Variants in GAPVD1 observed in about 807,000 individuals in gnomAD.
The protein encoded by GAPVD1 is GTPase-activating protein and VPS9 domain-containing protein 1.
In GAPVD1, 35 loss-of-function variants were observed where a neutral mutation model predicts 155.5. That is an observed-to-expected ratio of 0.23 (90% confidence interval 0.17 to 0.30). The LOEUF (loss-of-function observed/expected upper bound fraction) is 0.30. GAPVD1 is among the 10% of genes least tolerant of loss of function. The probability of loss-of-function intolerance (pLI) is 1.00; values close to 1 mark genes in which losing one functional copy is unlikely to be tolerated. For synonymous variants in GAPVD1, 636 were observed against 619.7 expected (o/e 1.03, Z -0.39); for missense variants, 1,429 against 1,775.7 (o/e 0.80, Z 3.51).
At chr9:125,296,772 G>A (rs773785251) in intron 3 of GAPVD1, among the ~76,000 whole-genome samples, 4 of 150,676 alleles carry the variant, frequency 2.7e-5, no homozygotes, top group Non-Finnish European at 5.9e-5. Context: ...AGTTTCTCCT[G>A]TCTCAGCCTC....
At chr9:125,339,074 C>T (rs1721064200) in intron 17 of GAPVD1, among the ~76,000 whole-genome samples, 1 of 152,066 alleles carries the variant, frequency 6.6e-6, no homozygotes, top group South Asian at 2.1e-4. Flanking sequence ...CTTAACCTCC[C>T]AGGCTCAGGC....
At chr9:125,315,769 G>T (rs1380706982) in intron 9 of GAPVD1, among the ~76,000 whole-genome samples, 1 of 152,046 alleles carries the variant, frequency 6.6e-6, no homozygotes, top group Non-Finnish European at 1.5e-5. Context: ...GGGCACAAAG[G>T]CTTTGAAAAG....
intron 12 of GAPVD1, among the ~76,000 whole-genome samples, chr9:125,329,521 A>G (rs1003114235): frequency 1.3e-5 from 2 of 152,286 alleles, no homozygotes; most frequent in African/African-American, 2.4e-5. Flanking sequence ...GAAACTGGTG[A>G]AAAGGGTATT....
chr9:125,351,803 C>T (rs565043019), intron 23 of GAPVD1, among the ~76,000 whole-genome samples: 4 of 151,328 alleles, frequency 2.6e-5, no homozygotes, highest in Non-Finnish European at 4.4e-5. Context: ...TGCAATGGTG[C>T]GATCTTGGCT....
At position 125,365,318 on chromosome 9, in the gene GAPVD1, A is replaced by ATTTTT. The variant is rs5900652; in HGVS notation, c.*2585_*2589dup. The ATTTTT allele has an allele frequency of 2.1e-5, 3 of 144,114 alleles. No individual in the cohort carries two copies. The highest frequency in any genetic ancestry group is 2.5e-5 in the African/African-American group (1 of 39,446). 8.9% of individuals were successfully genotyped at this position (144,114 alleles called of 1,614,324 possible). ...GGTATGTGAGATGGGGAGTGATTTG[A>ATTTTT]TTTTTTTTTTTTTTTTTAATAGAAA... On this transcript the variant is annotated 3_prime_UTR_variant, in exon 28 of 28. Coordinates refer to ENST00000297933, the MANE Select transcript of GAPVD1 (RefSeq NM_001282680.3).
chr9:125,311,398 G>A, intron 8 of GAPVD1, among the ~76,000 whole-genome samples: 1 of 152,218 alleles, frequency 6.6e-6, no homozygotes, highest in Admixed American at 6.5e-5. Context: ...AAGGTGCGTG[G>A]ATCACCTGAG....
intron 9 of GAPVD1, among the ~76,000 whole-genome samples, chr9:125,315,046 C>T (rs1438513268): frequency 6.6e-6 from 1 of 152,084 alleles, no homozygotes; most frequent in Non-Finnish European, 1.5e-5. Context: ...CTCGGCCTCC[C>T]AAAGTGCTGG....
At chr9:125,293,878 A>ATTTTATATATATAAATATATTT (rs1839317029) in intron 2 of GAPVD1, among the ~76,000 whole-genome samples, 1 of 18,986 alleles carries the variant, frequency 5.3e-5, no homozygotes, top group African/African-American at 2.5e-4. Flanking sequence ...ATATATATAT[A>ATTTTATATATATAAATATATTT]TATATATATA....
At chr9:125,348,043 A>G (rs1848755344) in intron 20 of GAPVD1, among the ~76,000 whole-genome samples, 1 of 151,912 alleles carries the variant, frequency 6.6e-6, no homozygotes, top group African/African-American at 2.4e-5. Flanking sequence ...GTATATATAT[A>G]TGTTTTGTTT....
intron 2 of GAPVD1, among the ~76,000 whole-genome samples, chr9:125,284,098 A>G (rs1355719069): frequency 6.8e-6 from 1 of 147,954 alleles, no homozygotes; most frequent in Non-Finnish European, 1.5e-5. Context: ...CTGGTCTTGA[A>G]CTCCTGACCT....
At chr9:125,270,994 A>G (rs902385303) in intron 2 of GAPVD1, among the ~76,000 whole-genome samples, 2 of 152,176 alleles carry the variant, frequency 1.3e-5, no homozygotes, top group African/African-American at 4.8e-5. Flanking sequence ...AACAGACTAC[A>G]TAGGGGTTTC....
chr9:125,312,898 G>T (rs959751585), intron 9 of GAPVD1, among the ~76,000 whole-genome samples: 1 of 152,000 alleles, frequency 6.6e-6, no homozygotes, highest in South Asian at 2.1e-4. Context: ...TCAGCTCACT[G>T]CAACCTCCCA....
At chr9:125,344,749 ATT>A (rs1848277700) in intron 19 of GAPVD1, among the ~76,000 whole-genome samples, 1 of 151,866 alleles carries the variant, frequency 6.6e-6, no homozygotes, top group African/African-American at 2.4e-5. Context: ...TTGGGGTTAC[ATT>A]AAGCTATGTG....
At chr9:125,297,872 A>C (rs1840126517) in intron 3 of GAPVD1, among the ~76,000 whole-genome samples, 1 of 152,098 alleles carries the variant, frequency 6.6e-6, no homozygotes. Flanking sequence ...CAGCCTCCCG[A>C]GTAGCTAGGA....
At chr9:125,280,727 C>T (rs755975490) in intron 2 of GAPVD1, among the ~76,000 whole-genome samples, 5 of 152,042 alleles carry the variant, frequency 3.3e-5, no homozygotes, top group Non-Finnish European at 7.4e-5. Context: ...ATGCGCCTGC[C>T]ACCACGCCCA....
chr9:125,311,852 T>C (rs1842731369), intron 8 of GAPVD1, among the ~76,000 whole-genome samples: 1 of 151,964 alleles, frequency 6.6e-6, no homozygotes, highest in Admixed American at 6.6e-5. Flanking sequence ...CCCGAGTAGC[T>C]GGGATTACAG....
At chr9:125,268,415 A>G (rs1002838855) in intron 1 of GAPVD1, among the ~76,000 whole-genome samples, 1 of 151,998 alleles carries the variant, frequency 6.6e-6, no homozygotes, top group African/African-American at 2.4e-5. Flanking sequence ...TGTTGGTGCA[A>G]CTAACAATAC....
chr9:125,317,293 G>T (rs1468499752), intron 9 of GAPVD1, among the ~76,000 whole-genome samples: 2 of 150,952 alleles, frequency 1.3e-5, no homozygotes, highest in East Asian at 3.9e-4. Flanking sequence ...ACTCTAGCCT[G>T]GGCAATACAG....
rs532294580 is a variant in GAPVD1 at position 125,352,723 on chromosome 9, C to T, written c.3569+1851C>T. 7.8e-4 allele frequency among the ~76,000 whole-genome samples: 119 copies of T among 152,320 alleles called. 3 individuals carry two copies. In the South Asian group the frequency reaches 0.018, roughly 23 times the overall value. ...TACTTATGCAAATTTCTATAGCCAG[C>T]GTGAATTTCTTCTCAGAAAATGGGA... On this transcript the variant is annotated intron_variant, in intron 23 of 27. Coordinates refer to ENST00000297933, the MANE Select transcript of GAPVD1 (RefSeq NM_001282680.3).
Sources: allele counts gnomAD v4.1 joint callset (sites outside exome capture counted in the v4.1 genomes callset), GRCh38; gene constraint gnomAD v4.1.1; transcripts MANE v1.5; gene names NCBI Gene and HGNC (gene_info 2026-07-23, HGNC 2026-07-21).